RBFOX1: variants seen among roughly 807,000 people sequenced by gnomAD.
RBFOX1 encodes RNA binding protein fox-1 homolog 1.
Under a neutral mutation model 57.7 loss-of-function variants are expected in RBFOX1, and 8 were observed. That is an observed-to-expected ratio of 0.14 (90% CI 0.08 to 0.25). The LOEUF is 0.25. Ranked by LOEUF, RBFOX1 falls within the 10% of genes least tolerant of loss-of-function variation. RBFOX1 has a pLI of 1.00. For missense variants in RBFOX1, 611 were observed against 548.5 expected (o/e 1.11, Z -1.14); for synonymous variants, 326 against 222.4 (o/e 1.47, Z -4.15).
chr16:6,684,346 G>C (rs570406345), intron 3 of RBFOX1, among the ~76,000 whole-genome samples: 1 of 152,286 alleles, frequency 6.6e-6, no homozygotes, highest in Admixed American at 6.5e-5. Context: ...CTTTTATATA[G>C]TTTTTGATTT....
chr16:7,272,083 C>G lies in RBFOX1; in HGVS notation c.27+219985C>G, dbSNP rs1476892071. On this transcript the variant is annotated intron_variant, in intron 4 of 15. Coordinates refer to ENST00000550418, the MANE Select transcript of RBFOX1 (RefSeq NM_018723.4). ...TGTGATCATATCCTCTTCATATCCC[C>G]ATTGTCGGCGTTTGTAAGACCCCAA... Among the ~76,000 whole-genome samples, 4 of 152,206 alleles carry G rather than the reference C, an allele frequency of 2.6e-5. No homozygotes were observed. In the East Asian group the frequency reaches 7.7e-4, roughly 29 times the overall value.
At chr16:7,622,013 G>C (rs1840939168) in intron 10 of RBFOX1, among the ~76,000 whole-genome samples, 1 of 152,154 alleles carries the variant, frequency 6.6e-6, no homozygotes. Flanking sequence ...AAATGTTACT[G>C]TGATTTTTGT....
intron 1 of RBFOX1, among the ~76,000 whole-genome samples, chr16:6,120,734 G>T (rs12931102): frequency 0.4 from 60,554 of 152,008 alleles, 12,512 homozygotes; most frequent in Non-Finnish European, 0.45. Context: ...GAATTCAGAT[G>T]TCTGAGTAAC....
intron 4 of RBFOX1, among the ~76,000 whole-genome samples, chr16:7,180,881 G>C (rs577624338): frequency 6.6e-6 from 1 of 152,312 alleles, no homozygotes; most frequent in East Asian, 1.9e-4. Flanking sequence ...GTATTTGGTT[G>C]GCAAACTTTT....
At chr16:5,846,531 A>G (rs897865355) in intron 3 of RBFOX1, among the ~76,000 whole-genome samples, 1 of 152,132 alleles carries the variant, frequency 6.6e-6, no homozygotes, top group Non-Finnish European at 1.5e-5. Flanking sequence ...AACTGGGTAG[A>G]TGGAGGAATG....
At chr16:6,974,731 A>T (rs2086422797) in intron 3 of RBFOX1, among the ~76,000 whole-genome samples, 1 of 151,898 alleles carries the variant, frequency 6.6e-6, no homozygotes, top group South Asian at 2.1e-4. Flanking sequence ...TATTTTTCTT[A>T]TCTCTTAACT....
chr16:7,319,114 C>T (rs1009613436), intron 4 of RBFOX1, among the ~76,000 whole-genome samples: 4 of 152,152 alleles, frequency 2.6e-5, no homozygotes, highest in Admixed American at 2.0e-4. Context: ...CCTTCAGTTC[C>T]CTTTTGTCCC....
intron 2 of RBFOX1, among the ~76,000 whole-genome samples, chr16:5,495,681 C>G (rs866691679): frequency 6.6e-6 from 1 of 152,244 alleles, no homozygotes; most frequent in Non-Finnish European, 1.5e-5. Context: ...TCATGATATG[C>G]TCGTTAACAT....
At chr16:6,461,892 A>G (rs1298562505) in intron 2 of RBFOX1, among the ~76,000 whole-genome samples, 1 of 152,180 alleles carries the variant, frequency 6.6e-6, no homozygotes, top group Non-Finnish European at 1.5e-5. Flanking sequence ...ACATTTAATT[A>G]TGCTTTGTTA....
At chr16:6,083,314 A>G (rs1360678590) in intron 1 of RBFOX1, among the ~76,000 whole-genome samples, 1 of 152,084 alleles carries the variant, frequency 6.6e-6, no homozygotes, top group African/African-American at 2.4e-5. Context: ...AAATGTTTTT[A>G]TACTAAGGTG....
chr16:7,128,886 T>A lies in RBFOX1; in HGVS notation c.27+76788T>A, dbSNP rs532372982. On this transcript the variant is annotated intron_variant, in intron 4 of 15. Transcript: ENST00000550418. ...GCCAGGCTGGAGTGCAGTGGTGCAA[T>A]CTCGGCTCACTGCAACCTCCGCCTC... 2.9e-4 allele frequency among the ~76,000 whole-genome samples: 43 copies of A among 147,862 alleles called. No homozygotes were observed. The East Asian group carries it at 8.7e-3, about 30-fold the overall frequency.
intron 11 of RBFOX1, among the ~76,000 whole-genome samples, chr16:7,651,709 T>G (rs1046123961): frequency 6.6e-6 from 1 of 152,160 alleles, no homozygotes; most frequent in African/African-American, 2.4e-5. Context: ...CTTGAGAGGT[T>G]TGCTCTTCTG....
chr16:5,654,590 C>A lies in RBFOX1; in HGVS notation c.318+55629C>A, dbSNP rs565262691. Among the ~76,000 whole-genome samples, 47 of 152,152 alleles carry A rather than the reference C, an allele frequency of 3.1e-4. No individual in the cohort carries two copies. The South Asian group carries it at 9.6e-3, about 31-fold the overall frequency. On this transcript the variant is annotated intron_variant, in intron 3 of 19. Coordinates refer to the RBFOX1 transcript ENST00000641259. ...TGTCCTGTGCTGGATGTGAAAACAC[C>A]CTGTTCGTTTCTCATCCAGCCCCAC...
intron 1 of RBFOX1, among the ~76,000 whole-genome samples, chr16:5,274,770 A>G (rs2063101197): frequency 6.6e-6 from 1 of 152,204 alleles, no homozygotes; most frequent in East Asian, 1.9e-4. Flanking sequence ...TTTTAGGGCA[A>G]GCAGGACAGG....
intron 14 of RBFOX1, among the ~76,000 whole-genome samples, chr16:7,700,649 C>A (rs1039771422): frequency 6.6e-6 from 1 of 152,166 alleles, no homozygotes; most frequent in South Asian, 2.1e-4. Flanking sequence ...GAAGGATGGC[C>A]TTGAGCTCTG....
chr16:6,484,419 G>T (rs911186707), intron 2 of RBFOX1, among the ~76,000 whole-genome samples: 3 of 151,120 alleles, frequency 2.0e-5, no homozygotes, highest in African/African-American at 7.3e-5. Flanking sequence ...TGACAATACT[G>T]AACACGCTTC....
At chr16:7,353,763 T>C (rs942097640) in intron 4 of RBFOX1, among the ~76,000 whole-genome samples, 1 of 152,158 alleles carries the variant, frequency 6.6e-6, no homozygotes, top group African/African-American at 2.4e-5. Context: ...AGCAAACCTA[T>C]AGTAGCTTAA....
chr16:5,739,847 A>C (rs1200549991), intron 3 of RBFOX1, among the ~76,000 whole-genome samples: 1 of 152,200 alleles, frequency 6.6e-6, no homozygotes, highest in Non-Finnish European at 1.5e-5. Context: ...CATTTGAGCA[A>C]GCTTCATTCC....
chr16:6,770,313 C>T (rs886460284), intron 3 of RBFOX1, among the ~76,000 whole-genome samples: 23 of 152,084 alleles, frequency 1.5e-4, no homozygotes, highest in African/African-American at 5.6e-4. Flanking sequence ...TGAAACTGTA[C>T]AAATCAAATA....
Sources: gnomAD v4.1 joint callset for allele counts (sites outside exome capture counted in the v4.1 genomes callset) on GRCh38, gnomAD v4.1.1 for gene constraint, MANE v1.5 for transcripts, NCBI Gene and HGNC (gene_info 2026-07-23, HGNC 2026-07-21) for gene names.